TCF4: variants seen among roughly 807,000 people sequenced by gnomAD.
The protein encoded by TCF4 is transcription factor 4, also known as SL3-3 enhancer factor 2.
Under a neutral mutation model 82.1 loss-of-function variants are expected in TCF4, and 3 were observed. The ratio of observed to expected loss-of-function variants is 0.04; its 90% confidence interval spans 0.02 to 0.09. TCF4 has a LOEUF of 0.09. TCF4 is among the 10% of genes least tolerant of loss of function. The pLI, the probability that TCF4 is intolerant of heterozygous loss-of-function variation, is 1.00. For synonymous variants in TCF4, 276 were observed against 309.6 expected (o/e 0.89, Z 1.14); for missense variants, 518 against 852.7 (o/e 0.61, Z 4.89).
intron 8 of TCF4, chr18:55,284,177 T>C (rs941946386): frequency 2.0e-5 from 3 of 150,614 alleles, no homozygotes; most frequent in African/African-American, 7.3e-5. Flanking sequence ...CTTTGGGAGG[T>C]TGAGGTGGGT....
chr18:55,463,529 A>G (rs2053823376), intron 4 of TCF4, among the ~76,000 whole-genome samples: 1 of 152,160 alleles, frequency 6.6e-6, no homozygotes, highest in African/African-American at 2.4e-5. Flanking sequence ...AAATAAATGA[A>G]TGATCCATCT....
chr18:55,473,600 C>A (rs1008409811), intron 3 of TCF4, among the ~76,000 whole-genome samples: 4 of 152,162 alleles, frequency 2.6e-5, no homozygotes, highest in Admixed American at 2.6e-4. Context: ...CAGCCTATGA[C>A]CTGGCAATGA....
intron 8 of TCF4, among the ~76,000 whole-genome samples, chr18:55,302,965 C>T (rs2068800117): frequency 1.3e-5 from 2 of 152,048 alleles, no homozygotes; most frequent in African/African-American, 2.4e-5. Context: ...CTAAAGAGAG[C>T]CCAGTTGTCA....
intron 3 of TCF4, among the ~76,000 whole-genome samples, chr18:55,523,667 T>C (rs986005604): frequency 1.3e-5 from 2 of 151,848 alleles, no homozygotes; most frequent in Admixed American, 6.6e-5. Flanking sequence ...GTATCTCTTT[T>C]ACAATTTTTT....
At chr18:55,371,067 T>C (rs892813893) in intron 6 of TCF4, among the ~76,000 whole-genome samples, 6 of 152,358 alleles carry the variant, frequency 3.9e-5, no homozygotes, top group Admixed American at 3.3e-4. Context: ...ACATGTCATG[T>C]AGAAAGGCTG....
At chr18:55,326,375 T>C (rs1339440149) in intron 8 of TCF4, among the ~76,000 whole-genome samples, 1 of 120,114 alleles carries the variant, frequency 8.3e-6, no homozygotes, top group African/African-American at 3.3e-5. Context: ...GTTTCCTCTA[T>C]GCAAGAGTGC....
chr18:55,278,527 T>C (rs1362787073), intron 9 of TCF4, among the ~76,000 whole-genome samples: 1 of 152,044 alleles, frequency 6.6e-6, no homozygotes, highest in East Asian at 1.9e-4. Context: ...TCAAACATCT[T>C]GGTCTTTTTA....
At chr18:55,229,297 C>A in intron 17 of TCF4, 1 of 585,416 alleles carries the variant, frequency 1.7e-6, no homozygotes, top group South Asian at 1.9e-5. Flanking sequence ...AAACCCAAAC[C>A]AAACAGGTGA....
chr18:55,259,657 T>C, intron 13 of TCF4: 1 of 344,030 alleles, frequency 2.9e-6, no homozygotes, highest in South Asian at 4.4e-5. Flanking sequence ...GAATACATTA[T>C]TCTGCCGTTG....
Position 55,269,869 on chromosome 18 carries a change from G to A in TCF4, c.884C>T (p.Ser295Phe). ...TGTCCCGTTGGCAGGAGGCGTACAG[G>A]AAGAGGTGCTGTAATGGTTTGTACC... is the stretch of plus-strand genomic sequence containing the variant. Reference protein sequence around the residue: ...RSGTNHYSTSSCTPPANGTDS... With the variant: ...RSGTNHYSTSFCTPPANGTDS... The change falls in exon 11 of 20, where the codon TCC (serine) becomes TTC (phenylalanine). Residue 295 changes from serine to phenylalanine, a missense_variant. Ser to Phe is a radical substitution (Grantham distance 155, BLOSUM62 -2). Around this residue, in one of 7 missense-constraint regions of TCF4, gnomAD observed 211 missense variants for 327.4 expected, o/e 0.64. Coordinates refer to ENST00000354452, the MANE Select transcript of TCF4 (RefSeq NM_001083962.2). 1 of 1,613,356 alleles carries A rather than the reference G, an allele frequency of 6.2e-7. No homozygotes were observed. The highest frequency in any genetic ancestry group is 1.1e-5 in the South Asian group (1 of 91,076).
intron 6 of TCF4, among the ~76,000 whole-genome samples, chr18:55,382,465 T>C (rs888277028): frequency 2.0e-5 from 3 of 152,144 alleles, no homozygotes; most frequent in Non-Finnish European, 2.9e-5. Context: ...TGGCATACCA[T>C]AAATTTCTGA....
At chr18:55,622,048 A>G (rs2097721538) in intron 2 of TCF4, among the ~76,000 whole-genome samples, 2 of 137,536 alleles carry the variant, frequency 1.5e-5, no homozygotes, top group Non-Finnish European at 3.0e-5. Flanking sequence ...TACACTATAT[A>G]TAATATATAT....
At chr18:55,281,243 C>A (rs904305326) in intron 8 of TCF4, among the ~76,000 whole-genome samples, 1 of 152,102 alleles carries the variant, frequency 6.6e-6, no homozygotes, top group Admixed American at 6.6e-5. Context: ...CAAAAACAAA[C>A]CAATGATCTA....
At chr18:55,357,668 G>A (rs2083917512) in intron 6 of TCF4, among the ~76,000 whole-genome samples, 1 of 152,026 alleles carries the variant, frequency 6.6e-6, no homozygotes, top group African/African-American at 2.4e-5. Flanking sequence ...TCATCATATT[G>A]GGTGGAAGTT....
intron 5 of TCF4, among the ~76,000 whole-genome samples, chr18:55,448,620 A>G (rs1229879092): frequency 1.3e-5 from 2 of 152,236 alleles, no homozygotes; most frequent in African/African-American, 4.8e-5. Context: ...GGAGGCATCT[A>G]TCTGTGGACA....
chr18:55,456,050 T>C (rs978044174), intron 5 of TCF4, among the ~76,000 whole-genome samples: 1 of 152,252 alleles, frequency 6.6e-6, no homozygotes, highest in South Asian at 2.1e-4. Flanking sequence ...TTCACCTTTA[T>C]GCTGGGCTAA....
intron 12 of TCF4, chr18:55,260,993 T>C (rs1237411721): frequency 6.3e-6 from 1 of 158,716 alleles, no homozygotes; most frequent in Non-Finnish European, 1.4e-5. Context: ...TTTCTGGCAG[T>C]AGGTGGGCAA....
At chr18:55,274,555 C>A (rs908731416) in intron 10 of TCF4, among the ~76,000 whole-genome samples, 1 of 152,094 alleles carries the variant, frequency 6.6e-6, no homozygotes, top group Non-Finnish European at 1.5e-5. Context: ...AGAGCAAAGA[C>A]CACATGAATC....
intron 5 of TCF4, chr18:55,403,853 C>T: frequency 6.8e-7 from 1 of 1,473,196 alleles, no homozygotes. Context: ...TTTATTTACA[C>T]AGCAGGCAAA....
Sources: allele counts gnomAD v4.1 joint callset (sites outside exome capture counted in the v4.1 genomes callset), GRCh38; gene constraint gnomAD v4.1.1; regional missense constraint gnomAD v4.1.1; transcripts MANE v1.5; gene names NCBI Gene and HGNC (gene_info 2026-07-23, HGNC 2026-07-21).